Variants in RAB3IP observed in about 807,000 individuals in gnomAD.
The protein encoded by RAB3IP is rab-3A-interacting protein.
Under a neutral mutation model 59.1 loss-of-function variants are expected in RAB3IP, and 36 were observed. That is an observed-to-expected ratio of 0.61 (90% CI 0.47 to 0.80). The LOEUF is 0.80. Among genes scored for constraint, RAB3IP ranks in the 30% least tolerant of loss-of-function variants. The pLI is 0.00. For missense variants in RAB3IP, 511 were observed against 536.0 expected, an observed-to-expected ratio of 0.95 and a Z score of 0.46; for synonymous variants, 207 against 191.2, an observed-to-expected ratio of 1.08 and a Z score of -0.68.
chr12:69,812,713 T>G, intron 8 of RAB3IP, 65 bp from the exon 9 acceptor site: 2 of 1,068,126 alleles, frequency 1.9e-6, no homozygotes, highest in Non-Finnish European at 2.8e-6. Context: ...AATAGGCAAC[T>G]TGTACAGAAG....
chr12:69,822,812 A>C lies in RAB3IP; in HGVS notation c.*7366A>C, dbSNP rs929490878. On this transcript the variant is annotated 3_prime_UTR_variant, in exon 11 of 11. Coordinates refer to ENST00000247833, the MANE Select transcript of RAB3IP (RefSeq NM_022456.5). ...TATGTACAACTATTATGTATCCATA[A>C]AAATTGGAAATAAACTACCACCATC... 1 of 152,214 alleles carries C rather than the reference A, an allele frequency of 6.6e-6. No homozygotes were observed. The highest frequency in any genetic ancestry group is 2.4e-5 in the African/African-American group (1 of 41,456). The allele number at this position is 152,214 out of a possible 1,614,324, so 9.4% of individuals were successfully genotyped here.
At position 69,795,295 on chromosome 12, in the gene RAB3IP, G is replaced by C. The variant is rs756534250; in HGVS notation, c.839G>C (p.Ser280Thr). 1.2e-6 allele frequency: 2 copies of C among 1,614,108 alleles called. No homozygotes were observed. Among genetic ancestry groups the C allele is most frequent in the East Asian group, 4.5e-5 (2 of 44,872 alleles). The change falls in exon 6 of 11, where the codon AGT becomes ACT. Residue 280 changes from serine to threonine, a missense_variant. By Grantham distance (58) the Ser-to-Thr change is moderately conservative (BLOSUM62 1). Coordinates refer to ENST00000247833, the MANE Select transcript of RAB3IP (RefSeq NM_022456.5). ...AGCACAAGCAGTGCTATGAGTGGCA[G>C]TCATCAGGACCTCAGTGTGATACAG... is the stretch of plus-strand genomic sequence containing the variant. Reference protein sequence around the residue: ...NKSTSSAMSGSHQDLSVIQPI... With the variant: ...NKSTSSAMSGTHQDLSVIQPI...
Position 69,801,355 on chromosome 12 carries a change from T to A in RAB3IP, c.1018-254T>A, listed in dbSNP as rs1282552895. On this transcript the variant is annotated intron_variant, in intron 7 of 10. Coordinates refer to ENST00000247833, the MANE Select transcript of RAB3IP (RefSeq NM_022456.5). ...TCGTGGGTAAGGAGTGAACAGAGAC[T>A]GGAATTGATGCCTTGAATCCTCGTC... Among the ~76,000 whole-genome samples, 6 of 152,330 alleles carry A rather than the reference T, an allele frequency of 3.9e-5. No homozygotes were observed. The East Asian group carries it at 1.2e-3, about 29-fold the overall frequency.
chr12:69,762,482 G>A (rs1224415994), intron 3 of RAB3IP, among the ~76,000 whole-genome samples: 2 of 152,182 alleles, frequency 1.3e-5, no homozygotes, highest in African/African-American at 4.8e-5. Flanking sequence ...AATGAGCTGG[G>A]CGAAGTGGCT....
In RAB3IP at chr12:69,817,252, A is replaced by C. The variant is rs567827329; in HGVS notation, c.*1806A>C. The C allele has an allele frequency of 6.6e-6, 1 of 152,198 alleles. No individual in the cohort carries two copies. Among genetic ancestry groups the C allele is most frequent in the Non-Finnish European group, 1.5e-5 (1 of 68,042 alleles). 9.4% of individuals were successfully genotyped at this position (152,198 alleles called of 1,614,324 possible). A position where few individuals can be genotyped will look rare whatever the true frequency, so the allele number is the denominator to read the frequency against. On this transcript the variant is annotated 3_prime_UTR_variant, in exon 11 of 11. Coordinates refer to ENST00000247833, the MANE Select transcript of RAB3IP (RefSeq NM_022456.5). ...ATTAATAATAAATCTTTAGTAATCT[A>C]TAAGGGGAAGAATGCTTTTCAACCT...
intron 8 of RAB3IP, among the ~76,000 whole-genome samples, chr12:69,810,894 T>A (rs544008111): frequency 6.6e-6 from 1 of 152,312 alleles, no homozygotes; most frequent in Non-Finnish European, 1.5e-5. Context: ...ATTAATGTAG[T>A]GTAGCATGTT....
In RAB3IP at chr12:69,773,399, C is replaced by CTTTTTTTTTTTTTTTTT; in HGVS notation, c.511-11313_511-11297dup. ...ATACGCCTTCTACCCATTTGTCTTT[C>CTTTTTTTTTTTTTTTTT]TTTTTTTTTTTTTTTTTTTTTTTTA... is the stretch of plus-strand genomic sequence containing the variant. On this transcript the variant is annotated intron_variant, in intron 3 of 10. Coordinates refer to ENST00000247833, the MANE Select transcript of RAB3IP (RefSeq NM_022456.5). Among the ~76,000 whole-genome samples, 22 of 48,006 alleles carry CTTTTTTTTTTTTTTTTT rather than the reference C, an allele frequency of 4.6e-4. 2 individuals carry two copies. The highest frequency in any genetic ancestry group is 7.1e-4 in the Non-Finnish European group (19 of 26,808). 31.5% of individuals were successfully genotyped at this position (48,006 alleles called of 152,430 possible). A position where few individuals can be genotyped will look rare whatever the true frequency, so the allele number is the denominator to read the frequency against.
At chr12:69,769,070 T>A (rs933139469) in intron 3 of RAB3IP, among the ~76,000 whole-genome samples, 2 of 152,128 alleles carry the variant, frequency 1.3e-5, no homozygotes. Context: ...GTAGTTTCCC[T>A]GCTCAATCTC....
chr12:69,784,308 T>G (rs1875256804), intron 3 of RAB3IP, among the ~76,000 whole-genome samples: 1 of 151,970 alleles, frequency 6.6e-6, no homozygotes, highest in Non-Finnish European at 1.5e-5. Flanking sequence ...TAAATAGCTT[T>G]TAAAGTAAAC....
chr12:69,773,632 A>G (rs1268377135), intron 3 of RAB3IP, among the ~76,000 whole-genome samples: 6 of 97,958 alleles, frequency 6.1e-5, no homozygotes, highest in African/African-American at 1.6e-4. Context: ...TCATTGTTCA[A>G]TTCCCACCTA....
intron 8 of RAB3IP, among the ~76,000 whole-genome samples, chr12:69,804,596 G>T (rs534723908): frequency 6.6e-6 from 1 of 152,054 alleles, no homozygotes; most frequent in Admixed American, 6.5e-5. Flanking sequence ...ATGGTATTGC[G>T]TAGGTTTTCT....
In RAB3IP at chr12:69,784,803, T is replaced by C; in HGVS notation, c.594T>C (p.Ala198=). The part of the protein sequence containing the change: ...QLGQELEELT[A]SLFEEAHKMV... Reference sequence around the variant, plus strand: ...GACAGGAATTGGAAGAACTCACAGCTAGTCTATTTGAGGTTGGTCTATTTA... The same window carrying C: ...GACAGGAATTGGAAGAACTCACAGCCAGTCTATTTGAGGTTGGTCTATTTA... Residue 198 remains alanine (A), a synonymous_variant, in exon 4 of 11, where the codon GCT becomes GCC. Transcript: ENST00000247833. The C allele has an allele frequency of 1.9e-6, 3 of 1,602,986 alleles. No individual in the cohort carries two copies. The highest frequency in any genetic ancestry group is 2.6e-6 in the Non-Finnish European group (3 of 1,172,390).
intron 10 of RAB3IP, among the ~76,000 whole-genome samples, chr12:69,814,988 G>A (rs1013407704): frequency 6.6e-6 from 1 of 152,066 alleles, no homozygotes; most frequent in African/African-American, 2.4e-5. Context: ...AAATGGCCGC[G>A]ATATAACAAA....
chr12:69,749,404 T>C (rs910254907), intron 1 of RAB3IP, among the ~76,000 whole-genome samples: 2 of 152,210 alleles, frequency 1.3e-5, no homozygotes, highest in African/African-American at 4.8e-5. Flanking sequence ...AACTGGTCCC[T>C]GGGGCCAAAA....
At position 69,756,590 on chromosome 12, in the gene RAB3IP, G is replaced by A. The variant is rs1870265233; in HGVS notation, c.437G>A (p.Arg146Gln). 5 of 1,613,954 alleles carry A rather than the reference G, an allele frequency of 3.1e-6. No individual in the cohort carries two copies. Among genetic ancestry groups the A allele is most frequent in the African/African-American group, 2.7e-5 (2 of 74,920 alleles). Residue 146 changes from arginine (R) to glutamine (Q), a missense_variant, in exon 3 of 11, where the codon CGA (arginine) becomes CAA (glutamine). Coordinates refer to ENST00000247833, the MANE Select transcript of RAB3IP (RefSeq NM_022456.5). ...AGTACTGATAGTCTGTCTCGTTTAC[G>A]AAGCCCATCTGTTTTGGAAGTTAGA... ...GLSTDSLSRL[R>Q]SPSVLEVREK...
intron 3 of RAB3IP, among the ~76,000 whole-genome samples, chr12:69,782,176 T>C (rs1020360636): frequency 2.0e-5 from 3 of 152,194 alleles, no homozygotes; most frequent in Admixed American, 1.3e-4. Flanking sequence ...TTCTGTTTTT[T>C]CTTTTTGAGA....
intron 3 of RAB3IP, among the ~76,000 whole-genome samples, chr12:69,759,132 G>C (rs947558140): frequency 6.8e-6 from 1 of 146,108 alleles, no homozygotes; most frequent in Non-Finnish European, 1.5e-5. Context: ...GGACCCTGCG[G>C]CCTTCCGCAG....
At chr12:69,779,605 C>A (rs773829968) in intron 3 of RAB3IP, among the ~76,000 whole-genome samples, 29 of 151,140 alleles carry the variant, frequency 1.9e-4, no homozygotes, top group African/African-American at 7.0e-4. Context: ...GCTCACTCAT[C>A]GTTTCTTCGC....
chr12:69,811,733 A>T (rs533496190), intron 8 of RAB3IP, among the ~76,000 whole-genome samples: 1 of 152,350 alleles, frequency 6.6e-6, no homozygotes, highest in East Asian at 1.9e-4. Flanking sequence ...GAAAAAAGAC[A>T]GGAATTGATT....
Sources: gnomAD v4.1 joint callset for allele counts (sites outside exome capture counted in the v4.1 genomes callset) on GRCh38, gnomAD v4.1.1 for gene constraint, MANE v1.5 for transcripts, NCBI Gene and HGNC (gene_info 2026-07-23, HGNC 2026-07-21) for gene names.